Variants in DRD2 observed in about 807,000 individuals in gnomAD.
DRD2 encodes the protein D(2) dopamine receptor.
Under a neutral mutation model 38.0 loss-of-function variants are expected in DRD2, and 8 were observed. The ratio of observed to expected loss-of-function variants is 0.21; its 90% CI spans 0.12 to 0.38. DRD2 has a LOEUF of 0.38. DRD2 is among the 10% of genes least tolerant of loss of function. The pLI is 1.00. For synonymous variants in DRD2, 230 were observed against 238.6 expected, an observed-to-expected ratio of 0.96 and a Z score of 0.33; for missense variants, 403 against 607.7, an observed-to-expected ratio of 0.66 and a Z score of 3.54.
chr11:113,473,162 C>T (rs1951446207), intron 1 of DRD2, among the ~76,000 whole-genome samples: 3 of 152,084 alleles, frequency 2.0e-5, no homozygotes. Flanking sequence ...ATTTTTATAT[C>T]TTCAAGGGAT....
chr11:113,410,319 C>T lies in DRD2; in HGVS notation c.*408G>A, dbSNP rs1950756032. The T allele has an allele frequency of 2.6e-6, 1 of 385,950 alleles. No homozygotes were observed. The highest frequency in any genetic ancestry group is 2.8e-5 in the South Asian group (1 of 35,974). 23.9% of individuals were successfully genotyped at this position (385,950 alleles called of 1,614,324 possible). ...GCAGGGTGTGAACTGTCCATCTCTC[C>T]CCACCGCCTGCTCCACGCCAAGCCC... is the stretch of plus-strand genomic sequence containing the variant. On this transcript the variant is annotated 3_prime_UTR_variant, in exon 8 of 8. Coordinates refer to ENST00000362072, the MANE Select transcript of DRD2 (RefSeq NM_000795.4).
intron 2 of DRD2, 130 bp from the exon 3 acceptor site, chr11:113,418,266 C>T: frequency 1.3e-6 from 1 of 762,804 alleles, no homozygotes; most frequent in Non-Finnish European, 2.3e-6. Context: ...GGGCATCCAG[C>T]TGGGGTGTGG....
intron 1 of DRD2, among the ~76,000 whole-genome samples, chr11:113,452,469 T>TGTGTGTGTGTGTGCGC (rs1210531875): frequency 2.1e-4 from 25 of 118,770 alleles, no homozygotes; most frequent in African/African-American, 8.3e-4. Flanking sequence ...TGTGTGTGTG[T>TGTGTGTGTGTGTGCGC]GCGCGCGCGC....
intron 1 of DRD2, 74 bp from the exon 2 acceptor site, chr11:113,424,756 C>G: frequency 2.2e-6 from 3 of 1,394,712 alleles, no homozygotes; most frequent in Non-Finnish European, 3.0e-6. Flanking sequence ...AAGACCAACT[C>G]CTGGCATTTA....
At chr11:113,417,026 G>A (rs1950834334) in intron 3 of DRD2, 27 bp from the exon 4 acceptor site, 14 of 1,612,110 alleles carry the variant, frequency 8.7e-6, no homozygotes, top group Non-Finnish European at 1.2e-5. Flanking sequence ...CCCTGAATCT[G>A]GGGTGCAGGC....
chr11:113,437,400 C>T (rs144006524), intron 1 of DRD2, among the ~76,000 whole-genome samples: 14 of 152,266 alleles, frequency 9.2e-5, no homozygotes, highest in African/African-American at 3.4e-4. Flanking sequence ...CAGGGTCTCA[C>T]CCCTCCAGGC....
chr11:113,418,050 G>A lies in DRD2; in HGVS notation c.372C>T (p.Asn124=). ...DVMMCTASIL[N]LCAISIDRYT... ...ACCTGTCGATGCTGATGGCACACAA[G>A]TTCAGGATGCTCGCCGTGCACATCA... The change falls in exon 3 of 8, where the codon AAC becomes AAT. Residue 124 remains asparagine, a synonymous_variant. Transcript: ENST00000362072. 1 of 1,614,194 alleles carries A rather than the reference G, an allele frequency of 6.2e-7. No individual in the cohort carries two copies. Among genetic ancestry groups the A allele is most frequent in the Non-Finnish European group, 8.5e-7 (1 of 1,180,034 alleles).
At chr11:113,444,947 A>T (rs1267640543) in intron 1 of DRD2, among the ~76,000 whole-genome samples, 2 of 152,230 alleles carry the variant, frequency 1.3e-5, no homozygotes, top group African/African-American at 4.8e-5. Context: ...GCTGCATGGG[A>T]TCTTTCACTG....
At chr11:113,468,008 T>A (rs1489333619) in intron 1 of DRD2, among the ~76,000 whole-genome samples, 1 of 152,212 alleles carries the variant, frequency 6.6e-6, no homozygotes, top group Non-Finnish European at 1.5e-5. Flanking sequence ...GGACAACAGC[T>A]CAAAGTGTTG....
chr11:113,457,760 G>A (rs779445144), intron 1 of DRD2, among the ~76,000 whole-genome samples: 4 of 152,226 alleles, frequency 2.6e-5, no homozygotes, highest in African/African-American at 9.6e-5. Context: ...TGGGCTGTCC[G>A]AGTGGCAGCT....
At chr11:113,439,710 G>A (rs1951069234) in intron 1 of DRD2, among the ~76,000 whole-genome samples, 1 of 151,204 alleles carries the variant, frequency 6.6e-6, no homozygotes, top group Non-Finnish European at 1.5e-5. Flanking sequence ...GTGGAGGTGG[G>A]CACCTGTAAT....
At chr11:113,443,808 A>G (rs1466707397) in intron 1 of DRD2, among the ~76,000 whole-genome samples, 2 of 152,228 alleles carry the variant, frequency 1.3e-5, no homozygotes, top group Non-Finnish European at 2.9e-5. Flanking sequence ...AAAAATTGCT[A>G]AAAACAAACA....
At chr11:113,417,057 A>G (rs1378799726) in intron 3 of DRD2, 58 bp from the exon 4 acceptor site, 5 of 1,597,252 alleles carry the variant, frequency 3.1e-6, no homozygotes, top group Non-Finnish European at 4.3e-6. Flanking sequence ...CTCACTCCAC[A>G]ATATGCACAC....
intron 1 of DRD2, among the ~76,000 whole-genome samples, chr11:113,432,974 A>T (rs1383368193): frequency 6.6e-6 from 1 of 152,238 alleles, no homozygotes; most frequent in African/African-American, 2.4e-5. Context: ...TGGAGACCTC[A>T]TTCCCAAAGC....
chr11:113,463,881 C>T (rs1422999777), intron 1 of DRD2, among the ~76,000 whole-genome samples: 1 of 152,006 alleles, frequency 6.6e-6, no homozygotes, highest in Non-Finnish European at 1.5e-5. Context: ...ATTGGGGAAG[C>T]CTCCCTGGAA....
intron 1 of DRD2, among the ~76,000 whole-genome samples, chr11:113,452,098 G>C (rs1591297110): frequency 6.6e-6 from 1 of 152,000 alleles, no homozygotes; most frequent in South Asian, 2.1e-4. Context: ...CTTTTAATGG[G>C]GATCTGTGCG....
intron 2 of DRD2, among the ~76,000 whole-genome samples, chr11:113,419,560 G>GGCA (rs1012385296): frequency 1.5e-5 from 2 of 137,740 alleles, no homozygotes. Flanking sequence ...ACACACTCAC[G>GGCA]GCAGCTGTCC....
chr11:113,441,133 T>C (rs1951087637), intron 1 of DRD2, among the ~76,000 whole-genome samples: 1 of 152,186 alleles, frequency 6.6e-6, no homozygotes, highest in African/African-American at 2.4e-5. Context: ...AACCCTCCAA[T>C]GGATGCTGAA....
At chr11:113,413,918 A>T in intron 6 of DRD2, 1 of 283,578 alleles carries the variant, frequency 3.5e-6, no homozygotes, top group Admixed American at 4.7e-5. Context: ...AGTGGAAAGA[A>T]CACAGGTGTG....
Sources: allele counts gnomAD v4.1 joint callset (sites outside exome capture counted in the v4.1 genomes callset), GRCh38; gene constraint gnomAD v4.1.1; transcripts MANE v1.5; gene names NCBI Gene and HGNC (gene_info 2026-07-23, HGNC 2026-07-21).